Variants in CLASP2 observed in about 807,000 individuals in gnomAD.
CLASP2 encodes the protein CLIP-associating protein 2.
CLASP2 carries 47 observed loss-of-function variants against 194.4 expected under a neutral mutation model. The observed-to-expected ratio is 0.24, with a 90% CI of 0.19 to 0.31. CLASP2 has a LOEUF of 0.31. CLASP2 is among the 10% of genes least tolerant of loss of function. The pLI, the probability that CLASP2 is intolerant of heterozygous loss-of-function variation, is 1.00. For synonymous variants in CLASP2, 619 were observed against 633.5 expected (o/e 0.98, Z 0.34); for missense variants, 1,445 against 1,823.6 (o/e 0.79, Z 3.78).
intron 34 of CLASP2, among the ~76,000 whole-genome samples, chr3:33,534,377 C>A (rs1432933124): frequency 6.6e-6 from 1 of 151,924 alleles, no homozygotes; most frequent in Non-Finnish European, 1.5e-5. Context: ...GCCTAGGGAA[C>A]ATAGGGAGGC....
chr3:33,608,886 G>A (rs1016622702), intron 13 of CLASP2, among the ~76,000 whole-genome samples: 2 of 150,728 alleles, frequency 1.3e-5, no homozygotes, highest in Admixed American at 6.7e-5. Flanking sequence ...CCAAGTAACT[G>A]TGAATACTGA....
chr3:33,673,396 AG>A (rs1489171527), intron 6 of CLASP2, among the ~76,000 whole-genome samples: 1 of 152,230 alleles, frequency 6.6e-6, no homozygotes, highest in Non-Finnish European at 1.5e-5. Context: ...AAATGCTGAG[AG>A]ATTTTGTCAC....
intron 27 of CLASP2, among the ~76,000 whole-genome samples, chr3:33,564,148 T>C (rs2062252618): frequency 6.6e-6 from 1 of 152,204 alleles, no homozygotes; most frequent in Non-Finnish European, 1.5e-5. Flanking sequence ...AGACTATATT[T>C]TTATACAGTC....
At chr3:33,601,805 T>C (rs896279730) in intron 18 of CLASP2, among the ~76,000 whole-genome samples, 1 of 152,200 alleles carries the variant, frequency 6.6e-6, no homozygotes, top group Non-Finnish European at 1.5e-5. Flanking sequence ...TCTATTCCTC[T>C]TCACGGTTCT....
rs1275104270 is a variant in CLASP2 at position 33,570,862 on chromosome 3, T to C, written c.2700-72A>G. The C allele has an allele frequency of 4.3e-6, 5 of 1,168,768 alleles. No individual in the cohort carries two copies. The African/African-American group carries it at 9.2e-5, about 21-fold the overall frequency. 72.4% of individuals were successfully genotyped at this position (1,168,768 alleles called of 1,614,324 possible). A position where few individuals can be genotyped will look rare whatever the true frequency, so the allele number is the denominator to read the frequency against. On this transcript the variant is annotated intron_variant, in intron 25 of 38. Transcript: ENST00000682230. ...AGTCATGTAAAAGTAACTTTACATA[T>C]AATTTTCTTTAAAAAAAAAAAAAAA...
chr3:33,529,707 C>A (rs1028404220), intron 34 of CLASP2, among the ~76,000 whole-genome samples: 1 of 152,158 alleles, frequency 6.6e-6, no homozygotes, highest in Non-Finnish European at 1.5e-5. Context: ...TTCGGCCGGG[C>A]GCGGTGGCTC....
chr3:33,501,608 A>C (rs764307358), intron 38 of CLASP2, 44 bp downstream of exon 38: 2 of 1,210,436 alleles, frequency 1.7e-6, no homozygotes, highest in Non-Finnish European at 2.5e-6. Context: ...GTTTTGAAAG[A>C]TGTACTATGG....
chr3:33,559,431 G>T, intron 28 of CLASP2, 46 bp from the exon 29 acceptor site: 1 of 1,102,464 alleles, frequency 9.1e-7, no homozygotes, highest in Non-Finnish European at 1.3e-6. Context: ...TAGTTAGCAA[G>T]TACGCATGTA....
intron 34 of CLASP2, among the ~76,000 whole-genome samples, chr3:33,525,633 T>A (rs2054328484): frequency 6.6e-6 from 1 of 152,158 alleles, no homozygotes; most frequent in African/African-American, 2.4e-5. Flanking sequence ...CCCACTCCAC[T>A]AGCCTTCAGT....
intron 7 of CLASP2, among the ~76,000 whole-genome samples, chr3:33,654,173 A>C (rs2083730549): frequency 6.6e-6 from 1 of 152,212 alleles, no homozygotes; most frequent in East Asian, 1.9e-4. Flanking sequence ...GACTATTTCT[A>C]AGCCAGAAAG....
At chr3:33,637,783 C>T (rs1231038345) in intron 8 of CLASP2, among the ~76,000 whole-genome samples, 1 of 152,150 alleles carries the variant, frequency 6.6e-6, no homozygotes, top group Admixed American at 6.5e-5. Context: ...ATATTCAGTG[C>T]TGCAGAAGGT....
chr3:33,670,483 G>A (rs1195635568), intron 6 of CLASP2, among the ~76,000 whole-genome samples: 1 of 152,132 alleles, frequency 6.6e-6, no homozygotes, highest in Non-Finnish European at 1.5e-5. Flanking sequence ...TATGTAAGAA[G>A]CTTGGAAAGT....
intron 28 of CLASP2, among the ~76,000 whole-genome samples, chr3:33,559,643 C>T (rs1039403449): frequency 2.0e-5 from 3 of 152,160 alleles, no homozygotes; most frequent in African/African-American, 7.2e-5. Flanking sequence ...GCTTGTATTC[C>T]CAGTACTTTG....
chr3:33,715,847 TAAAAAAAA>T (rs59528446), intron 1 of CLASP2, among the ~76,000 whole-genome samples: 15 of 62,170 alleles, frequency 2.4e-4, no homozygotes, highest in Admixed American at 4.1e-4. Flanking sequence ...GTATCTTAAG[TAAAAAAAA>T]AAAAAAAAAA....
intron 37 of CLASP2, 196 bp from the exon 38 acceptor site, chr3:33,501,964 CCTCA>C (rs1448431165): frequency 5.6e-6 from 3 of 532,636 alleles, no homozygotes; most frequent in Non-Finnish European, 1.0e-5. Flanking sequence ...CCTACTGCGC[CCTCA>C]CTGTTAGCCC....
At chr3:33,686,240 T>C (rs919923243) in intron 5 of CLASP2, among the ~76,000 whole-genome samples, 8 of 152,108 alleles carry the variant, frequency 5.3e-5, no homozygotes, top group African/African-American at 1.9e-4. Context: ...AAGTTCACCA[T>C]GAGGGACATG....
At chr3:33,532,926 T>C (rs531822019) in intron 34 of CLASP2, among the ~76,000 whole-genome samples, 14 of 152,288 alleles carry the variant, frequency 9.2e-5, no homozygotes, top group African/African-American at 2.9e-4. Flanking sequence ...AATCCTAAAG[T>C]GTTTAACGTG....
intron 1 of CLASP2, among the ~76,000 whole-genome samples, chr3:33,705,354 TAAG>T (rs747704969): frequency 4.6e-5 from 7 of 152,144 alleles, no homozygotes; most frequent in Non-Finnish European, 7.4e-5. Context: ...TCTATAAAGA[TAAG>T]AAGTAGAATA....
chr3:33,612,906 G>A (rs150273884), intron 12 of CLASP2, among the ~76,000 whole-genome samples: 36 of 152,232 alleles, frequency 2.4e-4, no homozygotes, highest in Non-Finnish European at 4.1e-4. Flanking sequence ...GGGGAGGAGG[G>A]AGTGAAAAGG....
Sources: allele counts gnomAD v4.1 joint callset (sites outside exome capture counted in the v4.1 genomes callset), GRCh38; gene constraint gnomAD v4.1.1; transcripts MANE v1.5; gene names NCBI Gene and HGNC (gene_info 2026-07-23, HGNC 2026-07-21).